Variants in FBXL18 observed in about 807,000 individuals in gnomAD.
The protein encoded by FBXL18 is F-box and leucine rich repeat protein 18.
Under a neutral mutation model 46.0 loss-of-function variants are expected in FBXL18, and 36 were observed. The observed-to-expected ratio is 0.78, with a 90% confidence interval of 0.60 to 1.03. The LOEUF is 1.03. FBXL18 is among the 50% of genes least tolerant of loss of function. The pLI, the probability that FBXL18 is intolerant of heterozygous loss-of-function variation, is 0.00. For synonymous variants in FBXL18, 557 were observed against 465.3 expected, an observed-to-expected ratio of 1.20 and a Z score of -2.54; for missense variants, 977 against 1,004.1, an observed-to-expected ratio of 0.97 and a Z score of 0.36.
rs200944822 is a variant in FBXL18, at chr7:5,481,793, C to G, written c.2139G>C (p.Pro713=). The change falls in exon 5 of 5, where the codon CCG becomes CCC. Residue 713 remains proline (P), a synonymous_variant. Coordinates refer to ENST00000382368, the MANE Select transcript of FBXL18 (RefSeq NM_024963.6). Reference sequence around the variant, plus strand: ...CCGCCTCTCACCACCACAGGTTCGGCGGTTCCTCGGCCACTCTGCTCTTAA... The same window carrying G: ...CCGCCTCTCACCACCACAGGTTCGGGGGTTCCTCGGCCACTCTGCTCTTAA... The part of the protein sequence containing the change: ...TLFKSRVAEE[P]PNLWW 6.2e-7 allele frequency: 1 copy of G among 1,613,464 alleles called. No individual in the cohort carries two copies.
chr7:5,493,666 TGC>T (rs1403291232), intron 3 of FBXL18, among the ~76,000 whole-genome samples: 1 of 89,580 alleles, frequency 1.1e-5, no homozygotes, highest in Non-Finnish European at 2.2e-5. Context: ...TGTGTGTGTG[TGC>T]GTGCGTGCGT....
intron 3 of FBXL18, among the ~76,000 whole-genome samples, chr7:5,491,827 G>A (rs1391550246): frequency 2.0e-5 from 3 of 152,156 alleles, no homozygotes; most frequent in Admixed American, 2.0e-4. Flanking sequence ...GATGCAAAGA[G>A]GACCCCACAC....
At chr7:5,499,244 G>A (rs543245942) in intron 3 of FBXL18, among the ~76,000 whole-genome samples, 4 of 152,054 alleles carry the variant, frequency 2.6e-5, no homozygotes, top group African/African-American at 9.7e-5. Flanking sequence ...TCCCTCTCCC[G>A]GGTGAAACCC....
intron 4 of FBXL18, chr7:5,489,110 G>A (rs1206039588): frequency 1.9e-5 from 7 of 362,086 alleles, no homozygotes; most frequent in Non-Finnish European, 2.7e-5. Flanking sequence ...CACAGTGACC[G>A]TGTTTTTAAA....
At chr7:5,469,936 G>T (rs529519294) in intron 4 of FBXL18, among the ~76,000 whole-genome samples, 1 of 152,008 alleles carries the variant, frequency 6.6e-6, no homozygotes, top group African/African-American at 2.4e-5. Flanking sequence ...CGGAGTGTGC[G>T]AGTAAACGTC....
intron 4 of FBXL18, among the ~76,000 whole-genome samples, chr7:5,487,600 G>C (rs550563396): frequency 6.6e-6 from 1 of 152,194 alleles, no homozygotes; most frequent in African/African-American, 2.4e-5. Context: ...GGCAGCTCTC[G>C]AAGACTGTTT....
intron 4 of FBXL18, among the ~76,000 whole-genome samples, chr7:5,466,170 A>T (rs1027873657): frequency 4.1e-5 from 6 of 145,678 alleles, no homozygotes; most frequent in African/African-American, 1.5e-4. Flanking sequence ...CAGAGAATTT[A>T]AAAAAAAAAA....
intron 1 of FBXL18, among the ~76,000 whole-genome samples, chr7:5,508,264 CA>C (rs35577676): frequency 1.9e-3 from 241 of 124,682 alleles, no homozygotes; most frequent in East Asian, 7.4e-3. Flanking sequence ...GACTCCATCT[CA>C]AAAAAAAAAA....
chr7:5,461,931 A>G (rs567897720), intron 4 of FBXL18, among the ~76,000 whole-genome samples: 1 of 151,802 alleles, frequency 6.6e-6, no homozygotes, highest in South Asian at 2.1e-4. Flanking sequence ...ACAGTGCAAG[A>G]CTCCGTCTCA....
downstream of FBXL18, among the ~76,000 whole-genome samples, chr7:5,473,479 G>A (rs1195207198): frequency 8.5e-5 from 13 of 152,210 alleles, no homozygotes; most frequent in South Asian, 2.1e-4. Flanking sequence ...AAGAGCACAA[G>A]TGCCGGGTGC....
rs186406532 is a variant in FBXL18, at chr7:5,488,767, G to C, written c.2000+2464C>G. ...GGCTCTTCCCACATCTGACAGGACAGAGCTAGGGCGGAGCTGCCTGCATCC... is the reference window on the plus strand; with the variant it reads ...GGCTCTTCCCACATCTGACAGGACACAGCTAGGGCGGAGCTGCCTGCATCC... On this transcript the variant is annotated intron_variant, in intron 4 of 4. Transcript: ENST00000382368. 3.3e-5 allele frequency among the ~76,000 whole-genome samples: 5 copies of C among 152,364 alleles called. No individual in the cohort carries two copies. In the East Asian group the frequency reaches 9.7e-4, roughly 29 times the overall value.
intron 4 of FBXL18, among the ~76,000 whole-genome samples, chr7:5,457,918 A>G (rs1048123286): frequency 8.5e-5 from 13 of 152,314 alleles, no homozygotes; most frequent in African/African-American, 2.6e-4. Flanking sequence ...CAACTATTCA[A>G]TTCTCTCAGC....
intron 4 of FBXL18, among the ~76,000 whole-genome samples, chr7:5,464,069 G>A (rs1783305439): frequency 6.6e-6 from 1 of 152,110 alleles, no homozygotes; most frequent in Non-Finnish European, 1.5e-5. Flanking sequence ...TAACTGGCCG[G>A]GCGCGGTGAC....
At chr7:5,508,101 A>T (rs73335636) in intron 1 of FBXL18, among the ~76,000 whole-genome samples, 38,203 of 151,824 alleles carry the variant, frequency 0.25, 5,038 homozygotes, top group Middle Eastern at 0.31. Flanking sequence ...CCCCATCTCT[A>T]CTAAAAATAC....
Position 5,505,435 on chromosome 7 carries a change from C to A in FBXL18, c.214G>T (p.Val72Leu), listed in dbSNP as rs376886179. Residue 72 changes from valine (V) to leucine (L), a missense_variant, in exon 2 of 5, where the codon GTG becomes TTG. Transcript: ENST00000382368. ...LCLDKSLIHT[V>L]LLQKDYQASE... ...ACCTGATAGTCCTTTTGCAGCAACA[C>A]GGTGTGGATGAGGCTCTTGTCAAGG... 2.5e-6 allele frequency: 4 copies of A among 1,614,084 alleles called. No homozygotes were observed. Among genetic ancestry groups the A allele is most frequent in the Middle Eastern group, 1.6e-4 (1 of 6,062 alleles).
At chr7:5,471,305 T>A (rs1783423252), downstream of FBXL18, among the ~76,000 whole-genome samples, 1 of 152,138 alleles carries the variant, frequency 6.6e-6, no homozygotes, top group African/African-American at 2.4e-5. Context: ...CCGGGGCTTT[T>A]TCGCTCTGTC....
intron 2 of FBXL18, among the ~76,000 whole-genome samples, chr7:5,502,385 A>G (rs1784289625): frequency 6.6e-6 from 1 of 151,784 alleles, no homozygotes; most frequent in Non-Finnish European, 1.5e-5. Context: ...AAATACAAAA[A>G]CTAGTCAGGC....
At chr7:5,468,363 C>T (rs1584187625) in intron 4 of FBXL18, among the ~76,000 whole-genome samples, 2 of 152,140 alleles carry the variant, frequency 1.3e-5, no homozygotes, top group African/African-American at 2.4e-5. Context: ...ATGATCTGCC[C>T]GCCTTGGCCT....
At chr7:5,513,632 G>A (rs768142652) in intron 1 of FBXL18, 25 bp downstream of exon 1, 3 of 1,612,300 alleles carry the variant, frequency 1.9e-6, no homozygotes, top group Middle Eastern at 1.7e-4. Context: ...GGCAGAAGCA[G>A]AGCGGAGACA....
Sources: gnomAD v4.1 joint callset for allele counts (sites outside exome capture counted in the v4.1 genomes callset) on GRCh38, gnomAD v4.1.1 for gene constraint, MANE v1.5 for transcripts, NCBI Gene and HGNC (gene_info 2026-07-23, HGNC 2026-07-21) for gene names.